Variants in DHX29 observed in about 807,000 individuals in gnomAD.
The protein encoded by DHX29 is DExH-box helicase 29, also known as ATP-dependent RNA helicase DHX29.
Under a neutral mutation model 167.9 loss-of-function variants are expected in DHX29, and 79 were observed. That is an observed-to-expected ratio of 0.47 (90% CI 0.39 to 0.57). The LOEUF is 0.57. Ranked by LOEUF, DHX29 falls within the 20% of genes least tolerant of loss-of-function variation. The pLI, the probability that DHX29 is intolerant of heterozygous loss-of-function variation, is 0.00. For synonymous variants in DHX29, 530 were observed against 546.0 expected (o/e 0.97, Z 0.41); for missense variants, 1,347 against 1,593.4 (o/e 0.85, Z 2.63).
At chr5:55,299,765 T>C (rs192546857) in intron 1 of DHX29, among the ~76,000 whole-genome samples, 173 of 152,208 alleles carry the variant, frequency 1.1e-3, no homozygotes, top group Non-Finnish European at 1.9e-3. Context: ...CACAGATCTG[T>C]AGAGCTTATT....
At chr5:55,276,480 GACACCAC>G in intron 13 of DHX29, 74 bp from the exon 14 acceptor site, 1 of 1,168,068 alleles carries the variant, frequency 8.6e-7, no homozygotes, top group Non-Finnish European at 1.2e-6. Context: ...GAGAACAGGG[GACACCAC>G]CTTTTGAATG....
rs774596348 is a variant in DHX29, at chr5:55,267,123, C to T, written c.3525+15G>A. ...TACCCATGACTCTGAGTGAGAGATC[C>T]ATATTAAGAATTACCTCTAGGGTTA... On this transcript the variant is annotated intron_variant, in intron 23 of 26. Coordinates refer to ENST00000251636, the MANE Select transcript of DHX29 (RefSeq NM_019030.4). 1.3e-6 allele frequency: 2 copies of T among 1,521,284 alleles called. No homozygotes were observed. The highest frequency in any genetic ancestry group is 1.8e-5 in the Admixed American group (1 of 55,726). 94.2% of individuals were successfully genotyped at this position (1,521,284 alleles called of 1,614,324 possible). A position where few individuals can be genotyped will look rare whatever the true frequency, so the allele number is the denominator to read the frequency against.
At position 55,298,629 on chromosome 5, in the gene DHX29, A is replaced by T. The variant is rs1358647208; in HGVS notation, c.223T>A (p.Ser75Thr). The T allele has an allele frequency of 1.9e-6, 3 of 1,554,460 alleles. No homozygotes were observed. The highest frequency in any genetic ancestry group is 2.7e-6 in the Non-Finnish European group (3 of 1,127,304). Residue 75 changes from serine to threonine, a missense_variant, in exon 2 of 27, where the codon TCT becomes ACT. Coordinates refer to ENST00000251636, the MANE Select transcript of DHX29 (RefSeq NM_019030.4). Reference protein sequence around the residue: ...KIYSFNSTNDSSGPANLDKSI... With the variant: ...KIYSFNSTNDTSGPANLDKSI... ...TTATCCAGATTTGCAGGACCACTAG[A>T]ATCATTTGTAGAATTAAAACTATAA...
rs552642316 is a variant in DHX29 at position 55,293,745 on chromosome 5, A to G, written c.780+272T>C. On this transcript the variant is annotated intron_variant, in intron 6 of 26. Coordinates refer to ENST00000251636, the MANE Select transcript of DHX29 (RefSeq NM_019030.4). Reference sequence around the variant, plus strand: ...AAAGGAACGTGCCTTATCTTTTTTTATTACCTAAAGAATTTAGCATACTCC... The same window carrying G: ...AAAGGAACGTGCCTTATCTTTTTTTGTTACCTAAAGAATTTAGCATACTCC... Among the ~76,000 whole-genome samples, 24 of 152,172 alleles carry G rather than the reference A, an allele frequency of 1.6e-4. 1 individual carries two copies. The South Asian group carries it at 4.6e-3, about 29-fold the overall frequency.
intron 10 of DHX29, among the ~76,000 whole-genome samples, chr5:55,284,020 A>C (rs894960529): frequency 6.6e-6 from 1 of 152,236 alleles, no homozygotes; most frequent in East Asian, 1.9e-4. Context: ...GACTCAAATT[A>C]TTATTACTTT....
intron 26 of DHX29, among the ~76,000 whole-genome samples, chr5:55,258,853 C>A (rs1746174034): frequency 6.6e-6 from 1 of 152,100 alleles, no homozygotes; most frequent in South Asian, 2.1e-4. Context: ...ATGCCCGGCT[C>A]ATTTCAGATT....
intron 6 of DHX29, among the ~76,000 whole-genome samples, chr5:55,292,414 C>G (rs527488329): frequency 1.3e-5 from 2 of 152,272 alleles, no homozygotes; most frequent in South Asian, 4.2e-4. Context: ...TTTCCAATTA[C>G]CGATATGAAC....
At chr5:55,283,878 C>T in intron 10 of DHX29, 67 bp from the exon 11 acceptor site, 8 of 1,336,656 alleles carry the variant, frequency 6.0e-6, no homozygotes, top group Non-Finnish European at 8.1e-6. Flanking sequence ...TAGATTAGCA[C>T]TTAAAAGGAT....
intron 11 of DHX29, among the ~76,000 whole-genome samples, chr5:55,282,656 T>C (rs187964680): frequency 1.3e-5 from 2 of 152,348 alleles, no homozygotes; most frequent in Admixed American, 6.5e-5. Context: ...TCCTATACTT[T>C]GCCGTCACTC....
At position 55,274,986 on chromosome 5, in the gene DHX29, C is replaced by T. The variant is rs1747035613; in HGVS notation, c.2452G>A (p.Ala818Thr). 6.2e-7 allele frequency: 1 copy of T among 1,613,750 alleles called. No individual in the cohort carries two copies. Among genetic ancestry groups the T allele is most frequent in the East Asian group, 2.2e-5 (1 of 44,826 alleles). Reference sequence around the variant, plus strand: ...TAAAATGGATTTAAATCAGCATGTGCTCCAGTCTGAACTGGGATGTATTCC... The same window carrying T: ...TAAAATGGATTTAAATCAGCATGTGTTCCAGTCTGAACTGGGATGTATTCC... ...YQEYIPVQTG[A>T]HADLNPFYQK... The change falls in exon 15 of 27, where the codon GCA (alanine) becomes ACA (threonine). Residue 818 changes from alanine (A) to threonine (T), a missense_variant. By Grantham distance (58) the Ala-to-Thr change is moderately conservative. Around this residue, in one of 3 missense-constraint regions of DHX29, gnomAD observed 882 missense variants for 1,082.4 expected, o/e 0.81. Coordinates refer to ENST00000251636, the MANE Select transcript of DHX29 (RefSeq NM_019030.4).
chr5:55,278,103 T>C (rs1361223583), intron 12 of DHX29, among the ~76,000 whole-genome samples: 1 of 151,828 alleles, frequency 6.6e-6, no homozygotes, highest in East Asian at 1.9e-4. Flanking sequence ...GAAAAAAGGG[T>C]TTTATGCTCT....
chr5:55,264,585 T>G (rs935866328), intron 23 of DHX29, among the ~76,000 whole-genome samples: 7 of 152,204 alleles, frequency 4.6e-5, no homozygotes, highest in Non-Finnish European at 8.8e-5. Context: ...CATCAAAGAT[T>G]GCTAAGATTA....
At chr5:55,299,258 TAG>T (rs2111971204) in intron 1 of DHX29, among the ~76,000 whole-genome samples, 1 of 152,312 alleles carries the variant, frequency 6.6e-6, no homozygotes, top group East Asian at 1.9e-4. Flanking sequence ...TCATATCTTT[TAG>T]TCAGATGCTT....
rs368281680 is a variant in DHX29 at position 55,288,728 on chromosome 5, A to G, written c.1066+542T>C. ...TCTGGTGGTATGGAAGGAGTTAGGG[A>G]GGGCTTAGGGAAGAGGAGCTGTTTG... is the stretch of plus-strand genomic sequence containing the variant. On this transcript the variant is annotated intron_variant, in intron 8 of 26. Coordinates refer to ENST00000251636, the MANE Select transcript of DHX29 (RefSeq NM_019030.4). 3.3e-5 allele frequency among the ~76,000 whole-genome samples: 5 copies of G among 152,266 alleles called. No homozygotes were observed. The South Asian group carries it at 1.0e-3, about 32-fold the overall frequency.
intron 24 of DHX29, 50 bp from the exon 25 acceptor site, chr5:55,261,549 G>C: frequency 8.5e-7 from 1 of 1,179,874 alleles, no homozygotes. Flanking sequence ...AAAATAGAAG[G>C]AGGTCATTTA....
Position 55,277,238 on chromosome 5 carries a change from C to G in DHX29, c.2154G>C (p.Leu718Phe). 3 of 1,563,508 alleles carry G rather than the reference C, an allele frequency of 1.9e-6. No homozygotes were observed. Among genetic ancestry groups the G allele is most frequent in the Non-Finnish European group, 2.6e-6 (3 of 1,152,068 alleles). ...SVQSDFLLII[L>F]KEILQKRSDL... Reference sequence around the variant, plus strand: ...CAGAACGTTTCTGTAAAATTTCCTTCAAGATAATTAGTAGGAAGTCTGACT... The same window carrying G: ...CAGAACGTTTCTGTAAAATTTCCTTGAAGATAATTAGTAGGAAGTCTGACT... Residue 718 changes from leucine (L) to phenylalanine (F), a missense_variant, in exon 13 of 27, where the codon TTG becomes TTC. Coordinates refer to ENST00000251636, the MANE Select transcript of DHX29 (RefSeq NM_019030.4).
intron 12 of DHX29, among the ~76,000 whole-genome samples, chr5:55,281,135 C>A (rs1747388792): frequency 6.6e-6 from 1 of 150,900 alleles, no homozygotes; most frequent in Non-Finnish European, 1.5e-5. Flanking sequence ...CACACACACG[C>A]TATATATATA....
At chr5:55,284,631 C>T (rs1384781015) in intron 10 of DHX29, among the ~76,000 whole-genome samples, 1 of 152,188 alleles carries the variant, frequency 6.6e-6, no homozygotes, top group African/African-American at 2.4e-5. Flanking sequence ...AAAGGAAACA[C>T]TGACAATCCA....
Position 55,307,658 on chromosome 5 carries a change from C to T in DHX29, c.-85G>A, listed in dbSNP as rs1286398924. On this transcript the variant is annotated 5_prime_UTR_variant, in exon 1 of 27. Coordinates refer to ENST00000251636, the MANE Select transcript of DHX29 (RefSeq NM_019030.4). ...CGAGAGCTCTTCACATTCCCCGGCT[C>T]CGGGGCTGCCACCCTGCGCTTCGAT... 2 of 1,520,130 alleles carry T rather than the reference C, an allele frequency of 1.3e-6. No individual in the cohort carries two copies. Among genetic ancestry groups the T allele is most frequent in the Non-Finnish European group, 1.8e-6 (2 of 1,122,800 alleles). The allele number at this position is 1,520,130 out of a possible 1,614,324, so 94.2% of individuals were successfully genotyped here. A position where few individuals can be genotyped will look rare whatever the true frequency, so the allele number is the denominator to read the frequency against.
Sources: allele counts gnomAD v4.1 joint callset (sites outside exome capture counted in the v4.1 genomes callset), GRCh38; gene constraint gnomAD v4.1.1; regional missense constraint gnomAD v4.1.1; transcripts MANE v1.5; gene names NCBI Gene and HGNC (gene_info 2026-07-23, HGNC 2026-07-21).